The following CSMD1 variants were observed in gnomAD, a reference collection of about 807,000 sequenced individuals.
CSMD1 encodes the protein CUB and Sushi multiple domains 1.
Under a neutral mutation model 417.5 loss-of-function variants are expected in CSMD1, and 213 were observed. The ratio of observed to expected loss-of-function variants is 0.51; its 90% CI spans 0.46 to 0.57. CSMD1 has a LOEUF of 0.57. CSMD1 is among the 20% of genes least tolerant of loss of function. The pLI is 0.00. For synonymous variants in CSMD1, 2,862 were observed against 1,736.8 expected (o/e 1.65, Z -16.11); for missense variants, 6,923 against 4,529.7 (o/e 1.53, Z -15.17).
chr8:4,590,975 T>C (rs1799954445), intron 2 of CSMD1, among the ~76,000 whole-genome samples: 1 of 152,224 alleles, frequency 6.6e-6, no homozygotes, highest in Non-Finnish European at 1.5e-5. Context: ...TGCTGTCTTA[T>C]TTTAGTCTTC....
At chr8:3,472,643 TC>T (rs755075626) in intron 11 of CSMD1, among the ~76,000 whole-genome samples, 10 of 152,130 alleles carry the variant, frequency 6.6e-5, no homozygotes, top group Non-Finnish European at 1.3e-4. Context: ...CACATTTTTT[TC>T]CTGAATTATA....
In CSMD1 at chr8:2,936,840, T is replaced by G. The variant is rs188689668; in HGVS notation, c.*1745A>C. 3.9e-5 allele frequency: 6 copies of G among 152,326 alleles called. No individual in the cohort carries two copies. In the East Asian group the frequency reaches 1.2e-3, roughly 29 times the overall value. 9.4% of individuals were successfully genotyped at this position (152,326 alleles called of 1,614,324 possible). On this transcript the variant is annotated 3_prime_UTR_variant, in exon 70 of 70. Coordinates refer to ENST00000635120, the MANE Select transcript of CSMD1 (RefSeq NM_033225.6). ...ACATTTGAAGTCCTACATGGAAACC[T>G]TCAGTACACCAACAGATAAATCAGT...
At chr8:4,071,125 CT>C (rs762159007) in intron 3 of CSMD1, among the ~76,000 whole-genome samples, 2 of 149,718 alleles carry the variant, frequency 1.3e-5, no homozygotes, top group East Asian at 2.0e-4. Context: ...CTTTTTTTTT[CT>C]TTTTTTTCCA....
intron 3 of CSMD1, among the ~76,000 whole-genome samples, chr8:4,159,175 C>A (rs1306433477): frequency 6.6e-6 from 1 of 152,106 alleles, no homozygotes; most frequent in Non-Finnish European, 1.5e-5. Context: ...CTCGGCCTCC[C>A]AAAGTGCTGG....
intron 3 of CSMD1, among the ~76,000 whole-genome samples, chr8:4,417,159 A>G (rs1451501604): frequency 6.6e-6 from 1 of 152,034 alleles, no homozygotes; most frequent in African/African-American, 2.4e-5. Context: ...CTATATTCAG[A>G]AAGTCAAATA....
At chr8:4,168,300 A>C (rs1374104534) in intron 3 of CSMD1, among the ~76,000 whole-genome samples, 1 of 152,040 alleles carries the variant, frequency 6.6e-6, no homozygotes, top group Non-Finnish European at 1.5e-5. Context: ...AGGCTGAGGC[A>C]GAAAGGGCTC....
At chr8:4,270,392 T>G (rs1804511387) in intron 3 of CSMD1, among the ~76,000 whole-genome samples, 1 of 152,140 alleles carries the variant, frequency 6.6e-6, no homozygotes, top group South Asian at 2.1e-4. Context: ...ATCCATGATC[T>G]CCCTCGGCCA....
chr8:2,941,791 A>G (rs1333356954), intron 69 of CSMD1, among the ~76,000 whole-genome samples: 1 of 152,238 alleles, frequency 6.6e-6, no homozygotes, highest in East Asian at 1.9e-4. Context: ...TCAATGAAAC[A>G]TCTATCAATC....
chr8:3,584,713 T>C (rs1800524668), intron 9 of CSMD1, among the ~76,000 whole-genome samples: 1 of 152,246 alleles, frequency 6.6e-6, no homozygotes, highest in Non-Finnish European at 1.5e-5. Flanking sequence ...AATGCACATT[T>C]ACTATTTGTC....
At chr8:4,538,087 G>A (rs1797191329) in intron 2 of CSMD1, among the ~76,000 whole-genome samples, 1 of 151,850 alleles carries the variant, frequency 6.6e-6, no homozygotes, top group East Asian at 1.9e-4. Flanking sequence ...ACATTTTCTT[G>A]CTAGGTATCA....
chr8:3,177,066 C>G (rs548770229), intron 37 of CSMD1, among the ~76,000 whole-genome samples: 1 of 152,254 alleles, frequency 6.6e-6, no homozygotes, highest in Non-Finnish European at 1.5e-5. Context: ...GCATGAGCAA[C>G]CATGCCCAGC....
chr8:4,634,782 G>A (rs952625794), intron 2 of CSMD1, among the ~76,000 whole-genome samples: 4 of 152,128 alleles, frequency 2.6e-5, no homozygotes, highest in African/African-American at 9.7e-5. Context: ...CATCCTGAAT[G>A]TTGAAAGAGA....
chr8:3,801,847 AAAGT>A (rs748621048), intron 5 of CSMD1, among the ~76,000 whole-genome samples: 1 of 152,184 alleles, frequency 6.6e-6, no homozygotes, highest in African/African-American at 2.4e-5. Flanking sequence ...CAGAATCATT[AAAGT>A]AAGTCAATGA....
At chr8:4,655,353 T>G (rs1311053846) in intron 1 of CSMD1, among the ~76,000 whole-genome samples, 6 of 152,034 alleles carry the variant, frequency 3.9e-5, no homozygotes, top group African/African-American at 1.5e-4. Context: ...TGCTGAAGGT[T>G]TGAAAGTGGC....
chr8:3,009,015 T>C (rs1431135252), intron 52 of CSMD1, among the ~76,000 whole-genome samples: 2 of 152,246 alleles, frequency 1.3e-5, no homozygotes, highest in Non-Finnish European at 2.9e-5. Flanking sequence ...AAAGTTCCAC[T>C]GTTTCACTTC....
intron 3 of CSMD1, among the ~76,000 whole-genome samples, chr8:4,259,347 C>A (rs758794466): frequency 1.3e-5 from 2 of 152,102 alleles, no homozygotes; most frequent in South Asian, 2.1e-4. Flanking sequence ...AGCCTGAGAA[C>A]AGGAAAGCGA....
chr8:4,181,702 A>T (rs981307053), intron 3 of CSMD1, among the ~76,000 whole-genome samples: 2 of 151,034 alleles, frequency 1.3e-5, no homozygotes, highest in African/African-American at 4.9e-5. Context: ...TTTTTTCAAT[A>T]TAATCTCCCC....
At chr8:3,926,877 A>G (rs1050691601) in intron 5 of CSMD1, among the ~76,000 whole-genome samples, 2 of 151,638 alleles carry the variant, frequency 1.3e-5, no homozygotes, top group African/African-American at 2.4e-5. Context: ...CACGACACCC[A>G]GCTAAGTTTT....
In CSMD1 at chr8:3,950,956, G is replaced by T. The variant is rs765368779; in HGVS notation, c.818+46947C>A. On this transcript the variant is annotated intron_variant, in intron 5 of 69. Transcript: ENST00000635120. ...CCCTGAACAGACAAGAAGAAAAAACGATTCTTTTCATCACATAACAGTTAC... is the reference window on the plus strand; with the variant it reads ...CCCTGAACAGACAAGAAGAAAAAACTATTCTTTTCATCACATAACAGTTAC... Among the ~76,000 whole-genome samples, 9 of 152,180 alleles carry T rather than the reference G, an allele frequency of 5.9e-5. No individual in the cohort carries two copies. The South Asian group carries it at 1.9e-3, about 32-fold the overall frequency.
Sources: allele counts gnomAD v4.1 joint callset (sites outside exome capture counted in the v4.1 genomes callset), GRCh38; gene constraint gnomAD v4.1.1; transcripts MANE v1.5; gene names NCBI Gene and HGNC (gene_info 2026-07-23, HGNC 2026-07-21).